The following SRCAP variants were observed in gnomAD, a reference collection of about 807,000 sequenced individuals.
SRCAP encodes chromatin remodeling protein SRCAP.
SRCAP carries 46 observed loss-of-function variants against 263.1 expected under a neutral mutation model. That is an observed-to-expected ratio of 0.17 (90% CI 0.14 to 0.22). The LOEUF (loss-of-function observed/expected upper bound fraction) is 0.22, where lower values mean the gene tolerates loss of function less well. Ranked by LOEUF, SRCAP falls within the 10% of genes least tolerant of loss-of-function variation. The pLI is 1.00. For synonymous variants in SRCAP, 1,813 were observed against 1,662.1 expected, an observed-to-expected ratio of 1.09 and a Z score of -2.21; for missense variants, 3,695 against 4,181.9, an observed-to-expected ratio of 0.88 and a Z score of 3.21.
rs770817587 is a variant in SRCAP, at chr16:30,721,429, C to T, written c.3494C>T (p.Ala1165Val). ...TTTAVPAPTP[A>V]PQRLILSPDM... The stretch of plus-strand genomic sequence containing the variant: ...ACAGCAGTGCCAGCTCCGACTCCTG[C>T]ACCACAGCGCCTCATTCTATCTCCC... The change falls in exon 21 of 34, where the codon GCA becomes GTA. Residue 1165 changes from alanine (A) to valine (V), a missense_variant. By Grantham distance (64) the Ala-to-Val change is moderately conservative (BLOSUM62 0). Coordinates refer to ENST00000262518, the MANE Select transcript of SRCAP (RefSeq NM_006662.3). 6.2e-7 allele frequency: 1 copy of T among 1,612,976 alleles called. No homozygotes were observed. Among genetic ancestry groups the T allele is most frequent in the African/African-American group, 1.3e-5 (1 of 75,080 alleles).
Position 30,709,874 on chromosome 16 carries a change from G to A in SRCAP, c.880G>A (p.Asp294Asn). Residue 294 changes from aspartate to asparagine, a missense_variant, in exon 8 of 34, where the codon GAT (aspartate) becomes AAT (asparagine). Physicochemically the swap from Asp to Asn is conservative, Grantham distance 23. This residue lies in a region of SRCAP where 44 missense variants were observed against 42.9 expected (regional missense o/e 1.03). Transcript: ENST00000262518. ...AGATGGGGACTTTCAACCCCAAGAG[G>A]ATGAGGAAGAGGATGATGAGGAAAC... ...DEDGDFQPQE[D>N]EEEDDEETIE... is the part of the protein sequence containing the mutation. 1.2e-6 allele frequency: 2 copies of A among 1,614,198 alleles called. No individual in the cohort carries two copies. The highest frequency in any genetic ancestry group is 8.5e-7 in the Non-Finnish European group (1 of 1,180,030).
At chr16:30,710,197 C>T (rs1596645915) in intron 8 of SRCAP, 69 bp downstream of exon 8, 36 of 1,517,924 alleles carry the variant, frequency 2.4e-5, no homozygotes, top group Middle Eastern at 2.2e-4. Flanking sequence ...GTCTGAGTTC[C>T]GGGCTGTGAG....
chr16:30,723,269 A>T, intron 24 of SRCAP, 40 bp downstream of exon 24: 2 of 1,562,850 alleles, frequency 1.3e-6, no homozygotes, highest in South Asian at 1.2e-5. Flanking sequence ...CTTGCCAGGA[A>T]TGGAGACGAG....
In SRCAP at chr16:30,699,646, AT is replaced by A. The variant is rs927260454; in HGVS notation, c.-283-252del. ...GGATGTGACAGCTTTTTTTTGCTGT[AT>A]TTTTTTTTTGTCTTCCATTCTGTGG... On this transcript the variant is annotated intron_variant, in intron 1 of 33. Transcript: ENST00000262518. 5.6e-4 allele frequency among the ~76,000 whole-genome samples: 82 copies of A among 147,062 alleles called. 1 individual carries two copies. The highest frequency in any genetic ancestry group is 7.4e-4 in the Non-Finnish European group (49 of 66,234).
intron 18 of SRCAP, among the ~76,000 whole-genome samples, chr16:30,717,022 T>A (rs531869690): frequency 2.6e-4 from 39 of 152,232 alleles, no homozygotes; most frequent in Admixed American, 1.5e-3. Flanking sequence ...TGGGAAAACC[T>A]CCACTGTTTT....
In SRCAP at chr16:30,729,504, C is replaced by T; in HGVS notation, c.6059C>T (p.Pro2020Leu). The change falls in exon 27 of 34, where the codon CCT becomes CTT. Residue 2020 changes from proline to leucine, a missense_variant. Coordinates refer to ENST00000262518, the MANE Select transcript of SRCAP (RefSeq NM_006662.3). ...TCTGAGCTCTGGCCCCGGGCTCGTC[C>T]TTTGCACCGTATTGTGTGTAACATG... ...LASELWPRAR[P>L]LHRIVCNMRT... The T allele has an allele frequency of 6.2e-7, 1 of 1,614,186 alleles. No individual in the cohort carries two copies. Among genetic ancestry groups the T allele is most frequent in the Non-Finnish European group, 8.5e-7 (1 of 1,180,032 alleles).
intron 16 of SRCAP, among the ~76,000 whole-genome samples, chr16:30,714,902 C>T (rs2052931219): frequency 6.6e-6 from 1 of 152,108 alleles, no homozygotes; most frequent in Admixed American, 6.6e-5. Flanking sequence ...TGGATTTCTT[C>T]AACTTCATAT....
rs146588466 is a variant in SRCAP, at chr16:30,720,854, A to G, written c.3129A>G (p.Gln1043=). 1.8e-5 allele frequency: 29 copies of G among 1,613,886 alleles called. No individual in the cohort carries two copies. The highest frequency in any genetic ancestry group is 1.7e-4 in the Middle Eastern group (1 of 6,060). The change falls in exon 20 of 34, where the codon CAA becomes CAG. Residue 1043 remains glutamine, a synonymous_variant. Transcript: ENST00000262518. ...AGCCCACCCCTGGCCCAGTCCCCCA[A>G]GTGCTGCCAGCATCACTGATGGTTT... ...SAQPTPGPVP[Q]VLPASLMVSA... is the part of the protein sequence containing the mutation.
chr16:30,730,420 C>T (rs968861731), intron 27 of SRCAP, among the ~76,000 whole-genome samples: 6 of 151,690 alleles, frequency 4.0e-5, no homozygotes, highest in Non-Finnish European at 8.8e-5. Context: ...GGACCAGGAC[C>T]TTTTCTTCCT....
At chr16:30,712,891 C>T (rs2052906364) in intron 14 of SRCAP, 76 bp downstream of exon 14, 1 of 1,526,044 alleles carries the variant, frequency 6.6e-7, no homozygotes, top group African/African-American at 1.4e-5. Context: ...AGGTGAATTC[C>T]TTTCTCTCCT....
chr16:30,706,978 AATCTCCCTGATCTTTTTTCCTTCTTC>A (rs910379976), intron 4 of SRCAP, among the ~76,000 whole-genome samples, 179 bp from the exon 5 acceptor site: 4 of 152,136 alleles, frequency 2.6e-5, no homozygotes, highest in African/African-American at 4.8e-5. Context: ...CAAATCACTT[AATCTCCCTGATCTTTTTTCCTTCTTC>A]ATCTCCCTGA....
intron 3 of SRCAP, 34 bp from the exon 4 acceptor site, chr16:30,704,030 C>G: frequency 1.3e-6 from 2 of 1,592,106 alleles, no homozygotes; most frequent in Non-Finnish European, 1.7e-6. Flanking sequence ...CAGTGCGAAG[C>G]ATTTATTTTC....
chr16:30,711,402 T>C (rs1372707320), intron 10 of SRCAP, among the ~76,000 whole-genome samples, 169 bp from the exon 11 acceptor site: 2 of 152,134 alleles, frequency 1.3e-5, no homozygotes, highest in African/African-American at 2.4e-5. Flanking sequence ...TTCCCCCAGG[T>C]TGTGGGGCTT....
chr16:30,739,427 C>T lies in SRCAP; in HGVS notation c.9387C>T (p.Pro3129=), dbSNP rs2053200279. The T allele has an allele frequency of 6.2e-7, 1 of 1,614,112 alleles. No homozygotes were observed. Residue 3129 remains proline (P), a synonymous_variant, in exon 34 of 34, where the codon CCC becomes CCT. Transcript: ENST00000262518. ...STRLRPGSLV[P]PLETEKLPRK... ...GGCTGCGTCCAGGGTCTCTAGTCCC[C>T]CCACTAGAGACTGAGAAGTTGCCTC...
chr16:30,737,620 T>C lies in SRCAP; in HGVS notation c.7580T>C (p.Leu2527Pro). Reference protein sequence around the residue: ...QTCLVTPSSPLLLGPPSVPIS... With the variant: ...QTCLVTPSSPPLLGPPSVPIS... ...TGTCTTGTAACTCCTTCCTCTCCTCTCTTGCTTGGTCCACCTTCTGTGCCC... is the reference window on the plus strand; with the variant it reads ...TGTCTTGTAACTCCTTCCTCTCCTCCCTTGCTTGGTCCACCTTCTGTGCCC... Residue 2527 changes from leucine (L) to proline (P), a missense_variant, in exon 34 of 34, where the codon CTC (leucine) becomes CCC (proline). Physicochemically the swap from Leu to Pro is moderately conservative, Grantham distance 98. Around this residue, in one of 12 missense-constraint regions of SRCAP, gnomAD observed 1,207 missense variants for 1,142.9 expected, o/e 1.06. Transcript: ENST00000262518. 1 of 1,613,952 alleles carries C rather than the reference T, an allele frequency of 6.2e-7. No individual in the cohort carries two copies.
chr16:30,712,151 G>T lies in SRCAP; in HGVS notation c.1809G>T (p.Thr603=). 1.2e-6 allele frequency: 2 copies of T among 1,612,328 alleles called. No individual in the cohort carries two copies. The highest frequency in any genetic ancestry group is 8.5e-7 in the Non-Finnish European group (1 of 1,178,562). Residue 603 remains threonine (T), a synonymous_variant, in exon 12 of 34, where the codon ACG becomes ACT. Coordinates refer to ENST00000262518, the MANE Select transcript of SRCAP (RefSeq NM_006662.3). Reference sequence around the variant, plus strand: ...AGCCCAAGGGTTACACGCTGGCCACGACCCAGGTATCCCCAGGTTCTGGCC... The same window carrying T: ...AGCCCAAGGGTTACACGCTGGCCACTACCCAGGTATCCCCAGGTTCTGGCC... ...SLQPKGYTLA[T]TQVKTPIPLL... is the part of the protein sequence containing the mutation.
intron 10 of SRCAP, among the ~76,000 whole-genome samples, chr16:30,711,364 A>C (rs192870924): frequency 6.6e-6 from 1 of 152,322 alleles, no homozygotes; most frequent in African/African-American, 2.4e-5. Flanking sequence ...CACCAGGTTG[A>C]TAATGTTCTT....
rs142637611 is a variant in SRCAP at position 30,724,547 on chromosome 16, A to C, written c.5123A>C (p.Gln1708Pro). 1 of 1,614,150 alleles carries C rather than the reference A, an allele frequency of 6.2e-7. No individual in the cohort carries two copies. Among genetic ancestry groups the C allele is most frequent in the Non-Finnish European group, 8.5e-7 (1 of 1,180,022 alleles). The change falls in exon 25 of 34, where the codon CAG (glutamine) becomes CCG (proline). Residue 1708 changes from glutamine to proline, a missense_variant. By Grantham distance (76) the Gln-to-Pro change is moderately conservative. Around this residue, in one of 12 missense-constraint regions of SRCAP, gnomAD observed 1,347 missense variants for 1,304.4 expected, o/e 1.03. Coordinates refer to ENST00000262518, the MANE Select transcript of SRCAP (RefSeq NM_006662.3). ...QTLSLGTGNP[Q>P]GPFPTQTLSL... Reference sequence around the variant, plus strand: ...CTCTCTTTGGGAACGGGGAACCCCCAGGGACCCTTTCCAACTCAGACATTG... The same window carrying C: ...CTCTCTTTGGGAACGGGGAACCCCCCGGGACCCTTTCCAACTCAGACATTG...
In SRCAP at chr16:30,720,973, C is replaced by T. The variant is rs1288652197; in HGVS notation, c.3248C>T (p.Pro1083Leu). ...CTGCAGCCCAACAGTGGTTCTCTCCCCCAGGGTGAGTTGAAAGGGAGCCAA... is the reference window on the plus strand; with the variant it reads ...CTGCAGCCCAACAGTGGTTCTCTCCTCCAGGGTGAGTTGAAAGGGAGCCAA... The part of the protein sequence containing the change: ...PPLQPNSGSL[P>L]QVLPSPLGVL... The change falls in exon 20 of 34, where the codon CCC (proline) becomes CTC (leucine). Residue 1083 changes from proline (P) to leucine (L), a missense_variant. Pro to Leu is a moderately conservative substitution (Grantham distance 98). Transcript: ENST00000262518. 2 of 1,600,402 alleles carry T rather than the reference C, an allele frequency of 1.2e-6. No individual in the cohort carries two copies. Among genetic ancestry groups the T allele is most frequent in the Non-Finnish European group, 1.7e-6 (2 of 1,172,874 alleles).
Sources: gnomAD v4.1 joint callset for allele counts (sites outside exome capture counted in the v4.1 genomes callset) on GRCh38, gnomAD v4.1.1 for gene constraint, gnomAD v4.1.1 regional missense constraint, MANE v1.5 for transcripts, NCBI Gene and HGNC (gene_info 2026-07-23, HGNC 2026-07-21) for gene names.